The following COX10 variants were observed in gnomAD, a reference collection of about 807,000 sequenced individuals.
COX10 encodes the protein protoheme IX farnesyltransferase, mitochondrial.
In COX10, 27 loss-of-function variants were observed where a neutral mutation model predicts 37.3. The observed-to-expected ratio is 0.72, with a 90% confidence interval of 0.53 to 1.00. COX10 has a LOEUF of 1.00. COX10 is among the 50% of genes least tolerant of loss of function. COX10 has a pLI of 0.00. For missense variants in COX10, 475 were observed against 563.2 expected (o/e 0.84, Z 1.59); for synonymous variants, 222 against 229.1 (o/e 0.97, Z 0.28).
chr17:14,182,819 A>T (rs1905907267), intron 5 of COX10, among the ~76,000 whole-genome samples: 2 of 150,768 alleles, frequency 1.3e-5, no homozygotes, highest in Admixed American at 1.3e-4. Flanking sequence ...TTCTTGACTT[A>T]ACATTTCATA....
intron 5 of COX10, among the ~76,000 whole-genome samples, chr17:14,162,739 T>A (rs571132790): frequency 7.2e-5 from 11 of 152,148 alleles, no homozygotes; most frequent in African/African-American, 2.4e-4. Context: ...AGTTCATATA[T>A]ACTTATTTGA....
chr17:14,202,819 G>A lies in COX10; in HGVS notation c.929-3991G>A, dbSNP rs997597713. 8.0e-5 allele frequency among the ~76,000 whole-genome samples: 12 copies of A among 150,232 alleles called. 1 individual carries two copies. Among genetic ancestry groups the A allele is most frequent in the African/African-American group, 2.7e-4 (11 of 40,724 alleles). On this transcript the variant is annotated intron_variant, in intron 6 of 6. Coordinates refer to ENST00000261643, the MANE Select transcript of COX10 (RefSeq NM_001303.4). ...ATCTTGATTTCCAGATGCCTTCCCAGCCCCATCTTGTAACTCTCCCTTCCT... is the reference window on the plus strand; with the variant it reads ...ATCTTGATTTCCAGATGCCTTCCCAACCCCATCTTGTAACTCTCCCTTCCT...
chr17:14,079,728 C>G (rs1239818843), intron 3 of COX10, among the ~76,000 whole-genome samples: 1 of 151,880 alleles, frequency 6.6e-6, no homozygotes, highest in Admixed American at 6.6e-5. Flanking sequence ...AAGAAAGTAT[C>G]CTTTCCCACC....
At chr17:14,120,425 G>A (rs1444887208) in intron 4 of COX10, among the ~76,000 whole-genome samples, 1 of 152,212 alleles carries the variant, frequency 6.6e-6, no homozygotes, top group South Asian at 2.1e-4. Context: ...AGATGATGTT[G>A]CAGAGGACAT....
At chr17:14,163,856 T>C (rs1905221797) in intron 5 of COX10, among the ~76,000 whole-genome samples, 1 of 152,264 alleles carries the variant, frequency 6.6e-6, no homozygotes, top group South Asian at 2.1e-4. Context: ...TCAGTTTTTT[T>C]CACAATTTTA....
intron 4 of COX10, among the ~76,000 whole-genome samples, chr17:14,136,229 G>A (rs560666106): frequency 6.6e-6 from 1 of 151,884 alleles, no homozygotes; most frequent in African/African-American, 2.4e-5. Context: ...ATCAAAACTG[G>A]TTTCAATTTC....
chr17:14,102,030 T>C (rs1412885198), intron 3 of COX10, 88 bp from the exon 4 acceptor site: 1 of 1,524,660 alleles, frequency 6.6e-7, no homozygotes, highest in Non-Finnish European at 9.1e-7. Context: ...TTAGTTTATA[T>C]GAAGGATGGC....
intron 3 of COX10, among the ~76,000 whole-genome samples, chr17:14,078,072 G>A (rs1002353193): frequency 3.3e-5 from 5 of 152,020 alleles, no homozygotes; most frequent in Non-Finnish European, 5.9e-5. Flanking sequence ...CTTTGGTGAA[G>A]GAGCTAAAAA....
intron 4 of COX10, among the ~76,000 whole-genome samples, chr17:14,135,734 C>T (rs1475820395): frequency 1.3e-5 from 2 of 151,862 alleles, no homozygotes; most frequent in African/African-American, 2.4e-5. Flanking sequence ...AGTCTTCCTA[C>T]GTAACCTATT....
chr17:14,121,849 A>C (rs1309786678), intron 4 of COX10, among the ~76,000 whole-genome samples: 1 of 152,148 alleles, frequency 6.6e-6, no homozygotes, highest in East Asian at 1.9e-4. Flanking sequence ...CAGGGTGTGC[A>C]TGATTTGAAG....
At chr17:14,132,011 A>G (rs1021558271) in intron 4 of COX10, among the ~76,000 whole-genome samples, 1 of 151,980 alleles carries the variant, frequency 6.6e-6, no homozygotes, top group Non-Finnish European at 1.5e-5. Context: ...GTTGTCATAT[A>G]TATCTTCCTT....
chr17:14,094,547 A>G (rs961227138), intron 3 of COX10, among the ~76,000 whole-genome samples: 2 of 143,366 alleles, frequency 1.4e-5, no homozygotes. Flanking sequence ...TGCTTTGCAA[A>G]TGTAAGTTTT....
intron 6 of COX10, among the ~76,000 whole-genome samples, chr17:14,198,217 G>C (rs1906425975): frequency 6.6e-6 from 1 of 152,122 alleles, no homozygotes; most frequent in Non-Finnish European, 1.5e-5. Context: ...GTAGGGGAGG[G>C]AGGGGACTGC....
intron 6 of COX10, among the ~76,000 whole-genome samples, chr17:14,206,018 C>T (rs4792443): frequency 0.99 from 151,461 of 152,318 alleles, 75,320 homozygotes; most frequent in Middle Eastern, 1. Flanking sequence ...CCGTTTTGTC[C>T]TTGTGACTCA....
chr17:14,083,714 T>G (rs894662422), intron 3 of COX10, among the ~76,000 whole-genome samples: 5 of 152,180 alleles, frequency 3.3e-5, no homozygotes, highest in Non-Finnish European at 7.4e-5. Context: ...GAAGTAAGAC[T>G]GAGATTATAA....
chr17:14,079,392 A>C (rs1370185126), intron 3 of COX10, among the ~76,000 whole-genome samples: 1 of 152,234 alleles, frequency 6.6e-6, no homozygotes, highest in East Asian at 1.9e-4. Context: ...GAGTCTTTGC[A>C]AAAGCAAAGG....
chr17:14,206,769 GA>G (rs1567615141), intron 6 of COX10, 40 bp from the exon 7 acceptor site: 10 of 1,611,906 alleles, frequency 6.2e-6, no homozygotes, highest in Non-Finnish European at 7.6e-6. Flanking sequence ...CTCTGGTGAT[GA>G]CTGCCTTTGT....
intron 6 of COX10, among the ~76,000 whole-genome samples, chr17:14,202,837 C>G (rs1301661399): frequency 2.0e-5 from 3 of 151,872 alleles, no homozygotes; most frequent in African/African-American, 7.3e-5. Flanking sequence ...TTGTAACTCT[C>G]CCTTCCTCAC....
At chr17:14,189,707 T>C (rs533202143) in intron 5 of COX10, among the ~76,000 whole-genome samples, 1 of 152,378 alleles carries the variant, frequency 6.6e-6, no homozygotes, top group South Asian at 2.1e-4. Flanking sequence ...AATATGCATT[T>C]TCCATGAACT....
Sources: allele counts gnomAD v4.1 joint callset (sites outside exome capture counted in the v4.1 genomes callset), GRCh38; gene constraint gnomAD v4.1.1; transcripts MANE v1.5; gene names NCBI Gene and HGNC (gene_info 2026-07-23, HGNC 2026-07-21).